The following MKLN1 variants were observed in gnomAD, a reference collection of about 807,000 sequenced individuals.
The protein encoded by MKLN1 is muskelin 1, also known as muskelin.
MKLN1 carries 18 observed loss-of-function variants against 99.0 expected under a neutral mutation model. That is an observed-to-expected ratio of 0.18 (90% CI 0.13 to 0.27). The LOEUF is 0.27. Among genes scored for constraint, MKLN1 ranks in the 10% least tolerant of loss-of-function variants. MKLN1 has a pLI of 1.00. For missense variants in MKLN1, 621 were observed against 875.9 expected, an observed-to-expected ratio of 0.71 and a Z score of 3.67; for synonymous variants, 288 against 293.2, an observed-to-expected ratio of 0.98 and a Z score of 0.18.
At chr7:131,186,929 C>T (rs1796459934) in intron 2 of MKLN1, among the ~76,000 whole-genome samples, 1 of 152,134 alleles carries the variant, frequency 6.6e-6, no homozygotes, top group African/African-American at 2.4e-5. Context: ...TTTTGATCAG[C>T]GTGTAGGCGT....
chr7:131,198,337 C>G lies in MKLN1; in HGVS notation c.-296-4520C>G, dbSNP rs188844134. ...AAGTTGAGCAAAGTAGGACACATGT[C>G]GTCAGGACCTCCTGAGGCTGTGTCA... On this transcript the variant is annotated intron_variant, in intron 2 of 7. Transcript: ENST00000416992. 2.0e-4 allele frequency among the ~76,000 whole-genome samples: 30 copies of G among 152,276 alleles called. No individual in the cohort carries two copies. The East Asian group carries it at 5.4e-3, about 27-fold the overall frequency.
intron 1 of MKLN1, among the ~76,000 whole-genome samples, chr7:131,328,492 T>C (rs975615064): frequency 6.6e-6 from 1 of 151,982 alleles, no homozygotes; most frequent in Middle Eastern, 3.2e-3. Flanking sequence ...AGTGATTAGC[T>C]CTAGAGTAGT....
chr7:131,292,733 T>C (rs1027559466), intron 3 of MKLN1, among the ~76,000 whole-genome samples: 1 of 152,166 alleles, frequency 6.6e-6, no homozygotes, highest in African/African-American at 2.4e-5. Context: ...TTCCAGACAA[T>C]ACATTTCTGT....
At chr7:131,452,442 A>G (rs1465878512) in intron 12 of MKLN1, among the ~76,000 whole-genome samples, 2 of 151,788 alleles carry the variant, frequency 1.3e-5, no homozygotes, top group Admixed American at 6.6e-5. Flanking sequence ...AAGCAAAATC[A>G]TACTGATTTT....
intron 3 of MKLN1, among the ~76,000 whole-genome samples, chr7:131,247,422 G>A (rs1330123587): frequency 6.6e-6 from 1 of 151,936 alleles, no homozygotes; most frequent in Admixed American, 6.6e-5. Flanking sequence ...CACCATGTTG[G>A]TCAGGCTGGT....
chr7:131,338,202 T>C (rs1799306086), intron 1 of MKLN1, among the ~76,000 whole-genome samples: 1 of 152,238 alleles, frequency 6.6e-6, no homozygotes, highest in Admixed American at 6.5e-5. Flanking sequence ...CTATGTGCAG[T>C]TTAAAAGCTG....
chr7:131,460,327 A>G (rs1301707578), intron 12 of MKLN1, among the ~76,000 whole-genome samples: 2 of 152,246 alleles, frequency 1.3e-5, no homozygotes, highest in Admixed American at 6.5e-5. Flanking sequence ...GACTGTATCA[A>G]TTAAGAAAGG....
chr7:131,116,977 C>T (rs1795287215), intron 1 of MKLN1, among the ~76,000 whole-genome samples: 1 of 152,004 alleles, frequency 6.6e-6, no homozygotes, highest in Non-Finnish European at 1.5e-5. Flanking sequence ...ATGTACAAAG[C>T]CTTTACCCTG....
At position 131,150,615 on chromosome 7, in the gene MKLN1, G is replaced by A. The variant is rs148894128; in HGVS notation, c.-297+7674G>A. Among the ~76,000 whole-genome samples the A allele has an allele frequency of 1.1e-4, 17 of 151,854 alleles. No homozygotes were observed. In the East Asian group the frequency reaches 3.3e-3, roughly 30 times the overall value. ...GAACATAATTGCAAGTGTAGATTGA[G>A]TTTATGTGCAGTATATAATAATCCA... On this transcript the variant is annotated intron_variant, in intron 2 of 7. Transcript: ENST00000416992.
At chr7:131,350,903 T>C (rs1799701085) in intron 1 of MKLN1, among the ~76,000 whole-genome samples, 1 of 152,218 alleles carries the variant, frequency 6.6e-6, no homozygotes, top group Admixed American at 6.5e-5. Context: ...AGACATTTTC[T>C]TTTATGGCCA....
At chr7:131,245,558 G>A (rs1211756904) in intron 3 of MKLN1, among the ~76,000 whole-genome samples, 2 of 152,150 alleles carry the variant, frequency 1.3e-5, no homozygotes, top group Non-Finnish European at 2.9e-5. Context: ...GGGATTACAG[G>A]CGTGAGCCAC....
chr7:131,434,002 G>T (rs1176468968), intron 9 of MKLN1, among the ~76,000 whole-genome samples: 1 of 151,158 alleles, frequency 6.6e-6, no homozygotes. Flanking sequence ...TCCTACCTCA[G>T]CCTCCCGAGT....
At chr7:131,396,105 T>C (rs748870756) in intron 4 of MKLN1, among the ~76,000 whole-genome samples, 6 of 152,112 alleles carry the variant, frequency 3.9e-5, no homozygotes, top group African/African-American at 4.8e-5. Flanking sequence ...CACAGTCTTA[T>C]TCTGTCGCCC....
chr7:131,448,141 T>C (rs963822329), intron 12 of MKLN1, among the ~76,000 whole-genome samples: 1 of 152,006 alleles, frequency 6.6e-6, no homozygotes, highest in Non-Finnish European at 1.5e-5. Flanking sequence ...GGCAGGAGAA[T>C]GGCGTGAACC....
intron 1 of MKLN1, among the ~76,000 whole-genome samples, chr7:131,116,414 CA>C (rs977852830): frequency 7.2e-5 from 11 of 152,036 alleles, no homozygotes; most frequent in African/African-American, 2.4e-4. Flanking sequence ...ATATGCCTCA[CA>C]AGGCTGTTAG....
At chr7:131,163,901 C>T (rs116399526) in intron 2 of MKLN1, among the ~76,000 whole-genome samples, 2,547 of 152,206 alleles carry the variant, frequency 0.017, 82 homozygotes, top group African/African-American at 0.059. Context: ...ACTTTTTAAA[C>T]TTCAAATACC....
chr7:131,275,933 T>G (rs1169574189), intron 3 of MKLN1, among the ~76,000 whole-genome samples: 1 of 152,042 alleles, frequency 6.6e-6, no homozygotes, highest in Non-Finnish European at 1.5e-5. Context: ...CATGCTGGGA[T>G]AGGGAGGTTG....
chr7:131,272,545 T>C (rs989503583), intron 3 of MKLN1, among the ~76,000 whole-genome samples: 1 of 152,110 alleles, frequency 6.6e-6, no homozygotes. Flanking sequence ...ATGAAGAATA[T>C]GAAGAGGAGA....
At chr7:131,450,343 A>G (rs1212249126) in intron 12 of MKLN1, among the ~76,000 whole-genome samples, 2 of 152,248 alleles carry the variant, frequency 1.3e-5, no homozygotes, top group Non-Finnish European at 1.5e-5. Context: ...CCCTATCTTC[A>G]TGGAGTTATG....
Sources: gnomAD v4.1 joint callset for allele counts (sites outside exome capture counted in the v4.1 genomes callset) on GRCh38, gnomAD v4.1.1 for gene constraint, MANE v1.5 for transcripts, NCBI Gene and HGNC (gene_info 2026-07-23, HGNC 2026-07-21) for gene names.